Variants in C1D observed in about 807,000 individuals in gnomAD.
C1D encodes the protein nuclear nucleic acid-binding protein C1D.
In C1D, 10 loss-of-function variants were observed where a neutral mutation model predicts 17.5. That is an observed-to-expected ratio of 0.57 (90% CI 0.35 to 0.97). The LOEUF (loss-of-function observed/expected upper bound fraction) is 0.97, where lower values mean the gene tolerates loss of function less well. Ranked by LOEUF, C1D falls within the 50% of genes least tolerant of loss-of-function variation. The probability of loss-of-function intolerance (pLI) is 0.01; values close to 1 mark genes in which losing one functional copy is unlikely to be tolerated. For missense variants in C1D, 136 were observed against 160.1 expected, an observed-to-expected ratio of 0.85 and a Z score of 0.81; for synonymous variants, 49 against 54.0, an observed-to-expected ratio of 0.91 and a Z score of 0.40.
At chr2:68,062,136 T>C (rs75836301) in intron 1 of C1D, among the ~76,000 whole-genome samples, 2,530 of 152,326 alleles carry the variant, frequency 0.017, 82 homozygotes, top group African/African-American at 0.057. Context: ...ACATATTGCA[T>C]GCCTGTATCA....
At chr2:68,049,485 G>A (rs1671223472) in intron 1 of C1D, among the ~76,000 whole-genome samples, 1 of 152,104 alleles carries the variant, frequency 6.6e-6, no homozygotes, top group South Asian at 2.1e-4. Flanking sequence ...AAACAATGAT[G>A]TTCTTGGGAA....
intron 4 of C1D, 143 bp from the exon 5 acceptor site, chr2:68,043,196 T>C (rs1671020217): frequency 3.4e-6 from 2 of 591,078 alleles, no homozygotes; most frequent in Admixed American, 3.6e-5. Context: ...TGCAAATGAA[T>C]AGGATAAATA....
intron 1 of C1D, among the ~76,000 whole-genome samples, chr2:68,051,027 TACTATCCTGGTCCAAACCACCAAACC>T (rs1314794620): frequency 3.9e-5 from 6 of 152,326 alleles, no homozygotes; most frequent in Non-Finnish European, 5.9e-5. Flanking sequence ...CCTCTACTGC[TACTATCCTGGTCCAAACCACCAAACC>T]ACTATCCTGG....
chr2:68,041,575 C>T lies in C1D; in HGVS notation c.*1314G>A, dbSNP rs568430265. ...CCACTTCAAAAACTGACATCAGAGACAGAAAAGACCTTCTGCGTCTATCAG... is the reference window on the plus strand; with the variant it reads ...CCACTTCAAAAACTGACATCAGAGATAGAAAAGACCTTCTGCGTCTATCAG... On this transcript the variant is annotated 3_prime_UTR_variant, in exon 5 of 5. Transcript: ENST00000410067. 1.2e-4 allele frequency: 18 copies of T among 152,084 alleles called. No homozygotes were observed. Among genetic ancestry groups the T allele is most frequent in the Non-Finnish European group, 2.4e-4 (16 of 67,852 alleles). 9.4% of individuals were successfully genotyped at this position (152,084 alleles called of 1,614,324 possible). A position where few individuals can be genotyped will look rare whatever the true frequency, so the allele number is the denominator to read the frequency against.
At chr2:68,050,335 C>A (rs139634171) in intron 1 of C1D, among the ~76,000 whole-genome samples, 3 of 152,212 alleles carry the variant, frequency 2.0e-5, no homozygotes, top group African/African-American at 7.2e-5. Flanking sequence ...TCATATCACC[C>A]CCCAGCTAAG....
rs1160776259 is a variant in C1D, at chr2:68,053,114, C to T, written c.-9-5795G>A. 1.9e-6 allele frequency: 3 copies of T among 1,550,888 alleles called. No individual in the cohort carries two copies. The Admixed American group carries it at 5.9e-5, about 30-fold the overall frequency. On this transcript the variant is annotated intron_variant, in intron 1 of 4. Transcript: ENST00000410067. ...GTTCTATAGGTACTCCTTGCCCTTC[C>T]ACATACTCCTTCTAAAACACTGGCT...
chr2:68,045,924 T>C, intron 4 of C1D, 64 bp downstream of exon 4: 1 of 1,067,178 alleles, frequency 9.4e-7, no homozygotes, highest in Non-Finnish European at 1.4e-6. Flanking sequence ...GTGACAAAGG[T>C]AGTGTGACAA....
intron 1 of C1D, among the ~76,000 whole-genome samples, chr2:68,055,476 CA>C (rs112320731): frequency 2.3e-3 from 307 of 133,406 alleles, no homozygotes; most frequent in African/African-American, 3.5e-3. Flanking sequence ...CAGCATGAAG[CA>C]AAAAAAAAAA....
intron 1 of C1D, 105 bp from the exon 2 acceptor site, chr2:68,047,424 A>G: frequency 1.3e-6 from 1 of 785,772 alleles, no homozygotes; most frequent in Non-Finnish European, 1.9e-6. Context: ...AAAGGCACTA[A>G]GAGTTAAAAC....
intron 1 of C1D, among the ~76,000 whole-genome samples, chr2:68,049,315 G>A (rs941930530): frequency 3.3e-5 from 5 of 152,100 alleles, no homozygotes; most frequent in East Asian, 1.9e-4. Context: ...AGCCATAAGC[G>A]CTGAAAATAG....
At chr2:68,052,592 T>C (rs1671322289) in intron 1 of C1D, among the ~76,000 whole-genome samples, 1 of 152,176 alleles carries the variant, frequency 6.6e-6, no homozygotes, top group South Asian at 2.1e-4. Flanking sequence ...CAAGCAGTTA[T>C]TTATTGTTAG....
chr2:68,059,730 C>T (rs1042684547), intron 1 of C1D, among the ~76,000 whole-genome samples: 1 of 152,198 alleles, frequency 6.6e-6, no homozygotes, highest in Non-Finnish European at 1.5e-5. Context: ...CCTTGTCCCT[C>T]ACTGGCTGCT....
intron 4 of C1D, among the ~76,000 whole-genome samples, chr2:68,044,447 C>T (rs367623136): frequency 4.1e-4 from 63 of 152,314 alleles, no homozygotes; most frequent in African/African-American, 1.4e-3. Context: ...GGGGAACAGG[C>T]TCTGTAATCC....
intron 1 of C1D, among the ~76,000 whole-genome samples, chr2:68,058,619 T>A (rs1268422769): frequency 6.6e-6 from 1 of 152,164 alleles, no homozygotes; most frequent in Non-Finnish European, 1.5e-5. Context: ...AGGAGGAACA[T>A]CCCTCACAAA....
intron 1 of C1D, among the ~76,000 whole-genome samples, chr2:68,055,194 A>G (rs77077501): frequency 5.3e-5 from 8 of 152,290 alleles, no homozygotes; most frequent in Non-Finnish European, 1.2e-4. Context: ...GGTTTAGTCA[A>G]TGACCACCAA....
chr2:68,054,237 T>G (rs1034060758), intron 1 of C1D, among the ~76,000 whole-genome samples: 1 of 152,192 alleles, frequency 6.6e-6, no homozygotes, highest in Non-Finnish European at 1.5e-5. Context: ...GCAAGTTCTC[T>G]GACCCTTACT....
chr2:68,061,227 C>T (rs991281860), intron 1 of C1D, among the ~76,000 whole-genome samples: 13 of 152,164 alleles, frequency 8.5e-5, no homozygotes, highest in African/African-American at 2.9e-4. Context: ...GAGAAAATAA[C>T]AATGAAATGT....
intron 1 of C1D, among the ~76,000 whole-genome samples, chr2:68,061,809 AAGC>A (rs1267179824): frequency 6.6e-6 from 1 of 152,230 alleles, no homozygotes; most frequent in Non-Finnish European, 1.5e-5. Flanking sequence ...GAAAAGGTAA[AAGC>A]AGTTAAGAAA....
At chr2:68,043,201 TA>T in intron 4 of C1D, 148 bp from the exon 5 acceptor site, 1 of 571,914 alleles carries the variant, frequency 1.7e-6, no homozygotes, top group Non-Finnish European at 3.0e-6. Context: ...ATGAATAGGA[TA>T]AATACGCTCC....
Sources: allele counts gnomAD v4.1 joint callset (sites outside exome capture counted in the v4.1 genomes callset), GRCh38; gene constraint gnomAD v4.1.1; transcripts MANE v1.5; gene names NCBI Gene and HGNC (gene_info 2026-07-23, HGNC 2026-07-21).